Variants in SHISAL1 observed in about 807,000 individuals in gnomAD.
SHISAL1 encodes shisa like 1.
Under a neutral mutation model 22.6 loss-of-function variants are expected in SHISAL1, and 9 were observed. The ratio of observed to expected loss-of-function variants is 0.40; its 90% CI spans 0.24 to 0.70. The LOEUF (loss-of-function observed/expected upper bound fraction) is 0.70. Ranked by LOEUF, SHISAL1 falls within the 30% of genes least tolerant of loss-of-function variation. The pLI, the probability that SHISAL1 is intolerant of heterozygous loss-of-function variation, is 0.39. For synonymous variants in SHISAL1, 119 were observed against 115.4 expected (o/e 1.03, Z -0.20); for missense variants, 246 against 270.6 (o/e 0.91, Z 0.64).
At chr22:44,276,993 C>T (rs1392977787) in intron 4 of SHISAL1, among the ~76,000 whole-genome samples, 2 of 152,196 alleles carry the variant, frequency 1.3e-5, no homozygotes, top group South Asian at 2.1e-4. Context: ...CCCCTCAGCC[C>T]CTCCCTCCTC....
chr22:44,301,721 C>T (rs1205373517), intron 1 of SHISAL1, among the ~76,000 whole-genome samples: 1 of 152,134 alleles, frequency 6.6e-6, no homozygotes, highest in Non-Finnish European at 1.5e-5. Context: ...ATTACTCTCC[C>T]AAAACAGGAG....
intron 4 of SHISAL1, among the ~76,000 whole-genome samples, chr22:44,266,218 C>A (rs1228361110): frequency 6.6e-6 from 1 of 152,180 alleles, no homozygotes; most frequent in Non-Finnish European, 1.5e-5. Context: ...GCTTGGCACA[C>A]AGAAAGCACT....
At chr22:44,282,448 T>C (rs1407666678) in intron 4 of SHISAL1, among the ~76,000 whole-genome samples, 1 of 150,502 alleles carries the variant, frequency 6.6e-6, no homozygotes, top group Non-Finnish European at 1.5e-5. Context: ...GACCCACTGC[T>C]TGGGTCCCAC....
intron 4 of SHISAL1, among the ~76,000 whole-genome samples, chr22:44,272,253 A>G (rs2055210634): frequency 6.6e-6 from 1 of 152,202 alleles, no homozygotes; most frequent in Non-Finnish European, 1.5e-5. Flanking sequence ...TGCTAGGTCT[A>G]GTTCATTCCA....
upstream of SHISAL1, among the ~76,000 whole-genome samples, chr22:44,317,751 C>T (rs983511968): frequency 1.3e-5 from 2 of 152,160 alleles, no homozygotes; most frequent in Non-Finnish European, 2.9e-5. Context: ...GAACTGTGTC[C>T]GCTTCAGACA....
upstream of SHISAL1, among the ~76,000 whole-genome samples, chr22:44,313,810 A>G (rs992060617): frequency 7.9e-5 from 12 of 152,092 alleles, no homozygotes. Flanking sequence ...CCTCCCACCC[A>G]TCCCTGGAAG....
intron 4 of SHISAL1, among the ~76,000 whole-genome samples, chr22:44,283,093 C>A (rs1282679027): frequency 1.3e-5 from 2 of 152,246 alleles, no homozygotes; most frequent in African/African-American, 4.8e-5. Flanking sequence ...AAAAAGGAAG[C>A]TCCTCACCCA....
chr22:44,283,950 T>A (rs529675965), intron 4 of SHISAL1, among the ~76,000 whole-genome samples: 14 of 152,130 alleles, frequency 9.2e-5, no homozygotes, highest in Middle Eastern at 6.8e-3. Flanking sequence ...TGTAGCTCTC[T>A]GGAGTCCCCA....
In SHISAL1 at chr22:44,310,357, T is replaced by G. The variant is rs551089956; in HGVS notation, c.-33+2394A>C. Among the ~76,000 whole-genome samples, 6 of 152,302 alleles carry G rather than the reference T, an allele frequency of 3.9e-5. No individual in the cohort carries two copies. The South Asian group carries it at 1.2e-3, about 32-fold the overall frequency. On this transcript the variant is annotated intron_variant, in intron 1 of 4. Coordinates refer to ENST00000381176, the MANE Select transcript of SHISAL1 (RefSeq NM_001099294.2). The surrounding 1 kb of genome is among the most constrained non-coding windows in gnomAD (Gnocchi z 4.0). Reference sequence around the variant, plus strand: ...GAGAAACTAAGTGATTGCCCAGAGCTGGAGGGTGGAAGGTTTGCAATCTGA... The same window carrying G: ...GAGAAACTAAGTGATTGCCCAGAGCGGGAGGGTGGAAGGTTTGCAATCTGA...
At chr22:44,321,383 C>T in the SHISAL1 span, among the ~76,000 whole-genome samples, 1 of 152,194 alleles carries the variant, frequency 6.6e-6, no homozygotes, top group African/African-American at 2.4e-5. Context: ...TCAAATATCC[C>T]CGCTCCCCTT....
chr22:44,274,988 A>G (rs1472794717), intron 4 of SHISAL1, among the ~76,000 whole-genome samples: 2 of 152,244 alleles, frequency 1.3e-5, no homozygotes, highest in Admixed American at 6.5e-5. Context: ...GCTTACCTGC[A>G]GTTGCCCACT....
intron 3 of SHISAL1, among the ~76,000 whole-genome samples, chr22:44,289,466 ATGTGTGTG>A (rs35632126): frequency 2.5e-5 from 3 of 120,922 alleles, no homozygotes; most frequent in African/African-American, 7.2e-5. Context: ...GTCATTGTAA[ATGTGTGTG>A]TGTGTGTGTG....
chr22:44,315,721 AG>A (rs2055553824), upstream of SHISAL1, among the ~76,000 whole-genome samples: 1 of 152,104 alleles, frequency 6.6e-6, no homozygotes, highest in Non-Finnish European at 1.5e-5. Context: ...TGCCTCGAGG[AG>A]GCTTGGTTTC....
intron 4 of SHISAL1, among the ~76,000 whole-genome samples, chr22:44,258,570 T>C (rs2055100336): frequency 6.6e-6 from 1 of 152,148 alleles, no homozygotes; most frequent in Non-Finnish European, 1.5e-5. Flanking sequence ...GCATGTGGTA[T>C]TGGGTTTTCT....
chr22:44,287,263 T>C (rs2055322727), intron 3 of SHISAL1, among the ~76,000 whole-genome samples: 1 of 152,174 alleles, frequency 6.6e-6, no homozygotes, highest in African/African-American at 2.4e-5. Flanking sequence ...AGCAGTGGCC[T>C]CTGTAGGAAG....
chr22:44,312,974 G>A, upstream of SHISAL1: 1 of 152,404 alleles, frequency 6.6e-6, no homozygotes, highest in Non-Finnish European at 1.5e-5. Flanking sequence ...GGGGAGTGGG[G>A]CTAGGGCGCT....
intron 4 of SHISAL1, among the ~76,000 whole-genome samples, chr22:44,266,852 G>A (rs371802883): frequency 7.9e-5 from 12 of 152,196 alleles, no homozygotes; most frequent in East Asian, 3.9e-4. Context: ...CTGCTTGAGG[G>A]CGATGAGAAT....
intron 1 of SHISAL1, among the ~76,000 whole-genome samples, chr22:44,302,568 G>A (rs1011060862): frequency 3.3e-5 from 5 of 152,242 alleles, no homozygotes; most frequent in African/African-American, 1.2e-4. Context: ...TGAGGCGGGA[G>A]AGGCCACGTG....
At chr22:44,254,996 G>A (rs1384654572) in intron 4 of SHISAL1, among the ~76,000 whole-genome samples, 2 of 152,068 alleles carry the variant, frequency 1.3e-5, no homozygotes, top group East Asian at 3.9e-4. Flanking sequence ...CCTCCCAGCA[G>A]CACTGACTCA....
Sources: gnomAD v4.1 joint callset for allele counts (sites outside exome capture counted in the v4.1 genomes callset) on GRCh38, gnomAD v4.1.1 for gene constraint, Gnocchi (gnomAD v3.1) non-coding constraint, MANE v1.5 for transcripts, NCBI Gene and HGNC (gene_info 2026-07-23, HGNC 2026-07-21) for gene names.